C4orf50: variants seen among roughly 807,000 people sequenced by gnomAD.
C4orf50 encodes the protein chromosome 4 open reading frame 50.
In C4orf50, 80 loss-of-function variants were observed where a neutral mutation model predicts 77.2. The ratio of observed to expected loss-of-function variants is 1.04; its 90% CI spans 0.87 to 1.25. The LOEUF (loss-of-function observed/expected upper bound fraction) is 1.25, where lower values mean the gene tolerates loss of function less well. Ranked by LOEUF, C4orf50 falls within the 50% of genes most tolerant of loss-of-function variation. C4orf50 has a pLI of 0.00. For missense variants in C4orf50, 1,257 were observed against 1,152.9 expected (o/e 1.09, Z -1.31); for synonymous variants, 532 against 465.3 (o/e 1.14, Z -1.84).
intron 27 of C4orf50, among the ~76,000 whole-genome samples, chr4:5,991,640 C>A (rs1721302185): frequency 6.6e-6 from 1 of 152,144 alleles, no homozygotes; most frequent in Non-Finnish European, 1.5e-5. Context: ...CGCAGGGGCT[C>A]CTCCCAGACC....
At position 6,009,279 on chromosome 4, in the gene C4orf50, C is replaced by T. The variant is rs1429953842; in HGVS notation, c.427-747G>A. On this transcript the variant is annotated intron_variant, in intron 24 of 33. Coordinates refer to ENST00000531445, the Ensembl canonical transcript of C4orf50. This position sits in a 1 kb window ranked among gnomAD's most constrained non-coding sequence, Gnocchi z 5.6. ...CACAACCCACTGCGAAAATTAGAGC[C>T]GTTGCCTACTTTTCAGAATTAATTC... is the stretch of plus-strand genomic sequence containing the variant. 6.6e-6 allele frequency among the ~76,000 whole-genome samples: 1 copy of T among 152,216 alleles called. No homozygotes were observed. Among genetic ancestry groups the T allele is most frequent in the East Asian group, 1.9e-4 (1 of 5,198 alleles).
rs369430706 is a variant in C4orf50, at chr4:5,923,705, G to A, written c.*2475-25517C>T. On this transcript the variant is annotated intron_variant, in intron 7 of 7. Coordinates refer to the C4orf50 transcript ENST00000324058. ...CCACAAATTTCCTTCCAATGGCTCC[G>A]GCCTGTAGACTTAGGCCACACACAT... Among the ~76,000 whole-genome samples the A allele has an allele frequency of 1.6e-4, 24 of 152,274 alleles. No homozygotes were observed. The South Asian group carries it at 4.6e-3, about 29-fold the overall frequency.
chr4:5,925,546 C>T (rs529911082), intron 7 of C4orf50, among the ~76,000 whole-genome samples: 52 of 152,350 alleles, frequency 3.4e-4, no homozygotes, highest in Admixed American at 1.2e-3. Flanking sequence ...CCCCGGGAAA[C>T]GCAGAGAGGA....
At chr4:5,980,541 T>C (rs1720524585) in intron 28 of C4orf50, among the ~76,000 whole-genome samples, 1 of 152,172 alleles carries the variant, frequency 6.6e-6, no homozygotes, top group Non-Finnish European at 1.5e-5. Context: ...AGAATCTTTA[T>C]TATCCATAGA....
exon 34 of C4orf50, chr4:5,957,408 A>G (rs733370): frequency 0.7 from 106,530 of 152,156 alleles, 38,897 homozygotes; most frequent in African/African-American, 0.88. Flanking sequence ...AGCTAATGAC[A>G]TTGTCCCAAA....
At chr4:5,984,998 AG>A (rs913275494) in intron 28 of C4orf50, among the ~76,000 whole-genome samples, 59 of 152,246 alleles carry the variant, frequency 3.9e-4, no homozygotes, top group African/African-American at 1.4e-3. Flanking sequence ...CATTTATTTT[AG>A]GGGGAGTGAG....
At chr4:5,983,752 G>A (rs1720723880) in intron 28 of C4orf50, among the ~76,000 whole-genome samples, 1 of 152,192 alleles carries the variant, frequency 6.6e-6, no homozygotes, top group Non-Finnish European at 1.5e-5. Flanking sequence ...TGAAAGTGTT[G>A]GTCCTGCTAG....
At position 5,992,963 on chromosome 4, in the gene C4orf50, G is replaced by T. The variant is rs1721375781; in HGVS notation, c.1094-33C>A. 2.5e-6 allele frequency: 1 copy of T among 398,798 alleles called. No homozygotes were observed. Among genetic ancestry groups the T allele is most frequent in the Non-Finnish European group, 4.4e-6 (1 of 225,994 alleles). The allele number at this position is 398,798 out of a possible 1,614,324, so 24.7% of individuals were successfully genotyped here. A position where few individuals can be genotyped will look rare whatever the true frequency, so the allele number is the denominator to read the frequency against. ...GCAACAAGACCCTGGGGGTTACAAA[G>T]ATGCTCCCAGGGGCTCTGCCATGAT... On this transcript the variant is annotated intron_variant, in intron 26 of 33. Coordinates refer to ENST00000531445, the Ensembl canonical transcript of C4orf50. This position sits in a 1 kb window ranked among gnomAD's most constrained non-coding sequence, Gnocchi z 5.0.
chr4:6,003,951 GGTGATGGTGATGAT>G (rs1722012277), intron 25 of C4orf50, among the ~76,000 whole-genome samples: 1 of 127,542 alleles, frequency 7.8e-6, no homozygotes, highest in Non-Finnish European at 1.7e-5. Flanking sequence ...TGGTGATGAT[GGTGATGGTGATGAT>G]GTGATGGCGA....
rs577488825 is a variant in C4orf50, at chr4:5,958,700, G to A, written c.*675C>T. The stretch of plus-strand genomic sequence containing the variant: ...TGGCATCCAGTGGATATCAACAGAC[G>A]TTTTTGGAGTGGATGGACTGATTAG... On this transcript the variant is annotated 3_prime_UTR_variant, in exon 34 of 34. Transcript: ENST00000531445. The surrounding 1 kb of genome is among the most constrained non-coding windows in gnomAD (Gnocchi z 5.4). 1.2e-4 allele frequency: 18 copies of A among 152,312 alleles called. 1 individual carries two copies. Among genetic ancestry groups the A allele is most frequent in the African/African-American group, 4.3e-4 (18 of 41,554 alleles). The allele number at this position is 152,312 out of a possible 1,614,324, so 9.4% of individuals were successfully genotyped here. A position where few individuals can be genotyped will look rare whatever the true frequency, so the allele number is the denominator to read the frequency against.
chr4:5,956,291 G>C (rs1718954962), downstream of C4orf50, among the ~76,000 whole-genome samples: 1 of 152,166 alleles, frequency 6.6e-6, no homozygotes, highest in African/African-American at 2.4e-5. Flanking sequence ...CACCCAGGCT[G>C]ATCCCTGCTC....
exon 8 of C4orf50, chr4:5,898,100 T>C (rs1435771592): frequency 6.6e-6 from 1 of 152,236 alleles, no homozygotes; most frequent in East Asian, 1.9e-4. Context: ...TCTAAACTGA[T>C]GTCTGTGCTT....
intron 25 of C4orf50, among the ~76,000 whole-genome samples, chr4:5,995,674 C>A (rs1366636507): frequency 1.3e-5 from 2 of 152,178 alleles, no homozygotes; most frequent in African/African-American, 4.8e-5. Flanking sequence ...AGGAAGAGAA[C>A]TTGGCTTCAT....
intron 31 of C4orf50, among the ~76,000 whole-genome samples, chr4:5,971,330 C>T (rs960712948): frequency 2.0e-5 from 3 of 152,224 alleles, no homozygotes; most frequent in Non-Finnish European, 4.4e-5. Flanking sequence ...AGCGCCACGC[C>T]CACCCTGCTG....
intron 25 of C4orf50, among the ~76,000 whole-genome samples, chr4:5,994,950 G>A (rs113748850): frequency 2.4e-3 from 358 of 152,322 alleles, no homozygotes; most frequent in Non-Finnish European, 3.7e-3. Flanking sequence ...CTGCGTAAGC[G>A]AGAGATCTAG....
intron 7 of C4orf50, among the ~76,000 whole-genome samples, chr4:5,943,808 G>A (rs1194694666): frequency 3.3e-5 from 5 of 152,174 alleles, no homozygotes; most frequent in Non-Finnish European, 7.3e-5. Context: ...AGCAAGCACT[G>A]CCCTGTGTAA....
At chr4:5,973,278 G>A (rs1302264295) in intron 31 of C4orf50, among the ~76,000 whole-genome samples, 2 of 152,232 alleles carry the variant, frequency 1.3e-5, no homozygotes, top group African/African-American at 4.8e-5. Flanking sequence ...CTACCTTGAA[G>A]GATGGACAGG....
In C4orf50 at chr4:5,958,240, T is replaced by C. The variant is rs752122612; in HGVS notation, c.*1135A>G. The C allele has an allele frequency of 7.9e-5, 12 of 151,574 alleles. No individual in the cohort carries two copies. The highest frequency in any genetic ancestry group is 1.8e-4 in the Non-Finnish European group (12 of 68,004). The allele number at this position is 151,574 out of a possible 1,614,324, so 9.4% of individuals were successfully genotyped here. A position where few individuals can be genotyped will look rare whatever the true frequency, so the allele number is the denominator to read the frequency against. Reference sequence around the variant, plus strand: ...TGGGGGGCTGCCCTCAGGATAGAAGTGCTCTTCTCCTGGGTCGCCCACCTG... The same window carrying C: ...TGGGGGGCTGCCCTCAGGATAGAAGCGCTCTTCTCCTGGGTCGCCCACCTG... On this transcript the variant is annotated 3_prime_UTR_variant, in exon 34 of 34. Coordinates refer to ENST00000531445, the Ensembl canonical transcript of C4orf50. This position sits in a 1 kb window ranked among gnomAD's most constrained non-coding sequence, Gnocchi z 5.4.
In C4orf50 at chr4:5,970,202, C is replaced by T. The variant is rs1560572178; in HGVS notation, c.4105-2740G>A. On this transcript the variant is annotated intron_variant, in intron 31 of 33. Transcript: ENST00000531445. The surrounding 1 kb of genome is among the most constrained non-coding windows in gnomAD (Gnocchi z 4.3). The stretch of plus-strand genomic sequence containing the variant: ...GGGGTCGGGGGGCATAGAGAGGAAG[C>T]AAAACAGGCCCAGGAAGGTGCCCTG... Among the ~76,000 whole-genome samples the T allele has an allele frequency of 6.6e-6, 1 of 150,976 alleles. No individual in the cohort carries two copies.
Sources: allele counts gnomAD v4.1 joint callset (sites outside exome capture counted in the v4.1 genomes callset), GRCh38; gene constraint gnomAD v4.1.1; non-coding constraint Gnocchi (gnomAD v3.1); transcripts MANE v1.5; gene names NCBI Gene and HGNC (gene_info 2026-07-23, HGNC 2026-07-21).